Variants in GATA3 observed in about 807,000 individuals in gnomAD.
GATA3 encodes the protein GATA binding protein 3, also known as trans-acting T-cell-specific transcription factor GATA-3.
Under a neutral mutation model 36.0 loss-of-function variants are expected in GATA3, and 6 were observed. The observed-to-expected ratio is 0.17, with a 90% CI of 0.09 to 0.33. The LOEUF (loss-of-function observed/expected upper bound fraction) is 0.33, where lower values mean the gene tolerates loss of function less well. Among genes scored for constraint, GATA3 ranks in the 10% least tolerant of loss-of-function variants. GATA3 has a pLI of 1.00. For synonymous variants in GATA3, 326 were observed against 273.0 expected, an observed-to-expected ratio of 1.19 and a Z score of -1.92; for missense variants, 514 against 610.1, an observed-to-expected ratio of 0.84 and a Z score of 1.66.
intron 3 of GATA3, among the ~76,000 whole-genome samples, chr10:8,062,171 A>C (rs1247700304): frequency 6.6e-6 from 1 of 152,142 alleles, no homozygotes; most frequent in Non-Finnish European, 1.5e-5. Context: ...TCTGGGTGTG[A>C]TTCAGGCCTG....
chr10:8,059,050 T>A (rs1832704485), intron 3 of GATA3, among the ~76,000 whole-genome samples: 1 of 152,084 alleles, frequency 6.6e-6, no homozygotes, highest in South Asian at 2.1e-4. Context: ...GGAAGTGGGA[T>A]CTGATTTAAA....
chr10:8,055,906 C>T lies in GATA3; in HGVS notation c.241+10C>T, dbSNP rs1832627434. 3.9e-6 allele frequency: 6 copies of T among 1,553,280 alleles called. No individual in the cohort carries two copies. In the East Asian group the frequency reaches 1.2e-4, roughly 32 times the overall value. On this transcript the variant is annotated intron_variant, in intron 2 of 5. Transcript: ENST00000379328. The surrounding 1 kb of genome is among the most constrained non-coding windows in gnomAD (Gnocchi z 5.4). ...CCTCCGACCCACCACGGTGAGTGCG[C>T]CCGGGGTGCCGGGGCTCCCGCCGGC...
Position 8,063,166 on chromosome 10 carries a change from C to A in GATA3, c.779-827C>A, listed in dbSNP as rs181005203. On this transcript the variant is annotated intron_variant, in intron 3 of 5. Transcript: ENST00000379328. ...GCCACCCCGCTTTGTTAACTTGCCT[C>A]TTCTCCTGATCTTCCTCTGATCGGC... Among the ~76,000 whole-genome samples the A allele has an allele frequency of 2.3e-4, 35 of 152,274 alleles. 1 individual carries two copies. Among genetic ancestry groups the A allele is most frequent in the Admixed American group, 2.3e-3 (35 of 15,296 alleles).
intron 5 of GATA3, among the ~76,000 whole-genome samples, chr10:8,072,260 G>C (rs984302079): frequency 1.3e-5 from 2 of 152,168 alleles, no homozygotes; most frequent in Non-Finnish European, 2.9e-5. Context: ...TCCTTTCTTA[G>C]CTGTGATTTT....
chr10:8,069,395 T>C (rs1157471387), intron 4 of GATA3, 78 bp from the exon 5 acceptor site: 61 of 1,384,510 alleles, frequency 4.4e-5, no homozygotes, highest in South Asian at 7.0e-5. Context: ...TTTTTTTTTT[T>C]CAAGCCTGTC....
intron 3 of GATA3, among the ~76,000 whole-genome samples, chr10:8,063,051 T>G (rs1832775737): frequency 6.6e-6 from 1 of 152,234 alleles, no homozygotes; most frequent in Non-Finnish European, 1.5e-5. Context: ...CTGCTCAGAC[T>G]TCCTACCGGC....
intron 5 of GATA3, 148 bp from the exon 6 acceptor site, chr10:8,073,591 A>G: frequency 1.3e-6 from 1 of 795,880 alleles, no homozygotes; most frequent in South Asian, 1.8e-5. Context: ...AGACAGGAGA[A>G]GGTGGGAGGG....
chr10:8,062,273 T>G (rs1832761394), intron 3 of GATA3, among the ~76,000 whole-genome samples: 2 of 151,898 alleles, frequency 1.3e-5, no homozygotes, highest in African/African-American at 4.8e-5. Context: ...TCTCAGGGGT[T>G]CTGGGGCACA....
upstream of GATA3, chr10:8,051,212 C>G (rs567986222): frequency 2.3e-6 from 1 of 438,944 alleles, no homozygotes; most frequent in Non-Finnish European, 4.8e-6. Context: ...GTAGCTTAAC[C>G]CCTACCGAGT....
intron 3 of GATA3, among the ~76,000 whole-genome samples, chr10:8,063,538 C>G (rs1364459006): frequency 6.6e-6 from 1 of 152,184 alleles, no homozygotes; most frequent in Non-Finnish European, 1.5e-5. Flanking sequence ...ATTATTTAAT[C>G]AATCTCTATA....
At chr10:8,058,070 T>C (rs1043061249) in intron 2 of GATA3, among the ~76,000 whole-genome samples, 1 of 152,138 alleles carries the variant, frequency 6.6e-6, no homozygotes, top group African/African-American at 2.4e-5. Flanking sequence ...TTCTGCTACA[T>C]TTGATGGGAC....
intron 4 of GATA3, among the ~76,000 whole-genome samples, chr10:8,068,190 A>G (rs990585410): frequency 1.3e-5 from 2 of 152,124 alleles, no homozygotes; most frequent in African/African-American, 4.8e-5. Context: ...TCTCTCTTTT[A>G]AAGGAAATGA....
chr10:8,065,252 C>CTTTTTTTTTT (rs34193161), intron 4 of GATA3, among the ~76,000 whole-genome samples: 3 of 92,096 alleles, frequency 3.3e-5, no homozygotes, highest in African/African-American at 4.7e-5. Flanking sequence ...GAAAAACTTT[C>CTTTTTTTTTT]TTTTTTTTTT....
In GATA3 at chr10:8,073,771, C is replaced by T. The variant is rs1025624628; in HGVS notation, c.1083C>T (p.Gly361=). The T allele has an allele frequency of 6.2e-6, 10 of 1,613,754 alleles. No individual in the cohort carries two copies. Among genetic ancestry groups the T allele is most frequent in the East Asian group, 2.2e-5 (1 of 44,880 alleles). The change falls in exon 6 of 6, where the codon GGC becomes GGT. Residue 361 remains glycine (G), a synonymous_variant. Coordinates refer to ENST00000379328, the MANE Select transcript of GATA3 (RefSeq NM_001002295.2). ...INRPLTMKKE[G]IQTRNRKMSS... ...GACCCCTGACTATGAAGAAGGAAGG[C>T]ATCCAGACCAGAAACCGAAAAATGT...
rs377666567 is a variant in GATA3 at position 8,061,472 on chromosome 10, C to T, written c.779-2521C>T. Among the ~76,000 whole-genome samples the T allele has an allele frequency of 7.4e-4, 113 of 152,270 alleles. No individual in the cohort carries two copies. In the South Asian group the frequency reaches 0.023, roughly 31 times the overall value. ...CTCGCCGCTCTGTGGTTCTTGTCACCTAAGAGAGAGGTGTCTGCCTGAGCA... is the reference window on the plus strand; with the variant it reads ...CTCGCCGCTCTGTGGTTCTTGTCACTTAAGAGAGAGGTGTCTGCCTGAGCA... On this transcript the variant is annotated intron_variant, in intron 3 of 5. Transcript: ENST00000379328.
chr10:8,047,809 A>AG (rs1201320039), intron 1 of GATA3, among the ~76,000 whole-genome samples: 1 of 152,044 alleles, frequency 6.6e-6, no homozygotes, highest in Non-Finnish European at 1.5e-5. Context: ...GCCCGGAGGG[A>AG]GGGGCTGCGG....
At chr10:8,065,315 T>C (rs932017705) in intron 4 of GATA3, among the ~76,000 whole-genome samples, 6 of 140,408 alleles carry the variant, frequency 4.3e-5, no homozygotes, top group Admixed American at 2.3e-4. Flanking sequence ...TGGAGTGCAG[T>C]GGCACGATCT....
At chr10:8,068,688 G>A (rs1832883719) in intron 4 of GATA3, among the ~76,000 whole-genome samples, 1 of 152,244 alleles carries the variant, frequency 6.6e-6, no homozygotes, top group Non-Finnish European at 1.5e-5. Context: ...GTGAGGTGGA[G>A]GTTGCAGTGA....
chr10:8,065,700 G>GTTTTTTTTTT (rs748515966), intron 4 of GATA3, among the ~76,000 whole-genome samples: 54 of 62,272 alleles, frequency 8.7e-4, no homozygotes, highest in East Asian at 1.1e-3. Context: ...CAGCAGTTTG[G>GTTTTTTTTTT]TTTTTTTTTT....
Sources: gnomAD v4.1 joint callset for allele counts (sites outside exome capture counted in the v4.1 genomes callset) on GRCh38, gnomAD v4.1.1 for gene constraint, Gnocchi (gnomAD v3.1) non-coding constraint, MANE v1.5 for transcripts, NCBI Gene and HGNC (gene_info 2026-07-23, HGNC 2026-07-21) for gene names.